The following TSEN2 variants were observed in gnomAD, a reference collection of about 807,000 sequenced individuals.
TSEN2 encodes tRNA-splicing endonuclease subunit Sen2.
Under a neutral mutation model 59.2 loss-of-function variants are expected in TSEN2, and 54 were observed. The observed-to-expected ratio is 0.91, with a 90% CI of 0.73 to 1.14. The LOEUF is 1.14. TSEN2 is among the 50% of genes most tolerant of loss of function. TSEN2 has a pLI of 0.00. For missense variants in TSEN2, 636 were observed against 576.2 expected, an observed-to-expected ratio of 1.10 and a Z score of -1.06; for synonymous variants, 195 against 198.2, an observed-to-expected ratio of 0.98 and a Z score of 0.14.
chr3:12,518,936 T>TG (rs1193948320), intron 7 of TSEN2, 123 bp from the exon 8 acceptor site: 14 of 953,550 alleles, frequency 1.5e-5, no homozygotes, highest in Non-Finnish European at 2.3e-5. Context: ...ATTGCTCTGC[T>TG]GGGGGAACTG....
chr3:12,535,530 T>C (rs188546769), downstream of TSEN2, among the ~76,000 whole-genome samples: 2 of 152,286 alleles, frequency 1.3e-5, no homozygotes, highest in African/African-American at 4.8e-5. Context: ...AAATGTTCTT[T>C]CTAACGTTGT....
At chr3:12,506,291 T>G (rs1331149391) in intron 6 of TSEN2, among the ~76,000 whole-genome samples, 3 of 152,128 alleles carry the variant, frequency 2.0e-5, no homozygotes, top group Admixed American at 2.0e-4. Flanking sequence ...ATGCAGTAGC[T>G]ACATTCTTGA....
At chr3:12,502,429 G>A (rs932184429) in intron 4 of TSEN2, among the ~76,000 whole-genome samples, 4 of 152,000 alleles carry the variant, frequency 2.6e-5, no homozygotes, top group African/African-American at 7.2e-5. Context: ...CTAGCTACTC[G>A]GGAGGCTGAG....
Position 12,501,372 on chromosome 3 carries a change from G to A in TSEN2, c.309-1890G>A, listed in dbSNP as rs145638816. Among the ~76,000 whole-genome samples the A allele has an allele frequency of 3.9e-5, 6 of 152,278 alleles. No homozygotes were observed. The East Asian group carries it at 7.7e-4, about 20-fold the overall frequency. On this transcript the variant is annotated intron_variant, in intron 4 of 11. Coordinates refer to ENST00000284995, the MANE Select transcript of TSEN2 (RefSeq NM_025265.4). ...TGTGCCATACCAAAGTCACGGTGCC[G>A]TACTGACTCTCAGGTATTAGGGTAG...
chr3:12,522,454 A>G (rs991148047), intron 8 of TSEN2, among the ~76,000 whole-genome samples: 1 of 152,244 alleles, frequency 6.6e-6, no homozygotes, highest in African/African-American at 2.4e-5. Context: ...CAGTGTTAAA[A>G]GTGTCTTCAC....
At chr3:12,500,337 T>G (rs916057815) in intron 4 of TSEN2, among the ~76,000 whole-genome samples, 1 of 152,212 alleles carries the variant, frequency 6.6e-6, no homozygotes, top group Non-Finnish European at 1.5e-5. Flanking sequence ...TTGGAGGCTT[T>G]CTTCTACATG....
At chr3:12,536,095 C>T (rs574917637), downstream of TSEN2, among the ~76,000 whole-genome samples, 18 of 152,182 alleles carry the variant, frequency 1.2e-4, no homozygotes, top group African/African-American at 4.1e-4. Context: ...AAGTGCAAAG[C>T]CTATTTTATG....
At chr3:12,489,302 G>GT (rs11406703) in intron 1 of TSEN2, among the ~76,000 whole-genome samples, 9,830 of 152,224 alleles carry the variant, frequency 0.065, 693 homozygotes, top group African/African-American at 0.17. Context: ...AGTGTGTATT[G>GT]TAAGATCCTC....
At chr3:12,514,014 C>T (rs888674325) in intron 6 of TSEN2, among the ~76,000 whole-genome samples, 1 of 152,244 alleles carries the variant, frequency 6.6e-6, no homozygotes, top group African/African-American at 2.4e-5. Context: ...CCAACATGTG[C>T]TAGACCCCCT....
chr3:12,503,148 A>G (rs1370813861), intron 4 of TSEN2, 114 bp from the exon 5 acceptor site: 51 of 1,127,882 alleles, frequency 4.5e-5, no homozygotes, highest in Middle Eastern at 2.7e-4. Flanking sequence ...GCACCATTCA[A>G]TAATACTGCT....
At chr3:12,486,256 G>A (rs2052603540) in intron 1 of TSEN2, among the ~76,000 whole-genome samples, 1 of 152,214 alleles carries the variant, frequency 6.6e-6, no homozygotes, top group Admixed American at 6.5e-5. Context: ...ACAGCATGCT[G>A]TTCTGCCGCG....
At chr3:12,498,912 A>G (rs2054016687) in intron 4 of TSEN2, among the ~76,000 whole-genome samples, 1 of 152,176 alleles carries the variant, frequency 6.6e-6, no homozygotes, top group African/African-American at 2.4e-5. Context: ...TTCAACTTAA[A>G]TACTTGTCAT....
chr3:12,521,784 G>T (rs1268936659), intron 8 of TSEN2, among the ~76,000 whole-genome samples: 1 of 152,148 alleles, frequency 6.6e-6, no homozygotes, highest in Admixed American at 6.5e-5. Flanking sequence ...GGCTGAGGCG[G>T]GCTGATCATG....
chr3:12,480,527 T>C (rs1470266518), upstream of TSEN2, among the ~76,000 whole-genome samples: 10 of 135,784 alleles, frequency 7.4e-5, no homozygotes, highest in Admixed American at 3.7e-4. Flanking sequence ...TTTGTTTCTT[T>C]GTTTTTTTTT....
intron 6 of TSEN2, 66 bp downstream of exon 6, chr3:12,505,297 C>T: frequency 1.0e-6 from 1 of 960,092 alleles, no homozygotes; most frequent in East Asian, 2.4e-5. Context: ...TATATGTGAA[C>T]CTACCTCACA....
intron 3 of TSEN2, among the ~76,000 whole-genome samples, chr3:12,495,983 T>C (rs895756727): frequency 6.6e-6 from 1 of 152,194 alleles, no homozygotes; most frequent in African/African-American, 2.4e-5. Flanking sequence ...CTCATCAGGC[T>C]GGTCTTCAAA....
rs375256930 is a variant in TSEN2, at chr3:12,490,737, GC to G, written c.189+751del. ...TCCCATCACCACAGAGTTCCCTTGT[GC>G]CCATCACACTTAATCCCTGCTCCCA... On this transcript the variant is annotated intron_variant, in intron 2 of 11. Coordinates refer to ENST00000284995, the MANE Select transcript of TSEN2 (RefSeq NM_025265.4). Among the ~76,000 whole-genome samples the G allele has an allele frequency of 9.4e-4, 143 of 152,228 alleles. 4 individuals are homozygous for G. The East Asian group carries it at 0.015, about 16-fold the overall frequency.
intron 8 of TSEN2, 122 bp downstream of exon 8, chr3:12,519,319 A>G: frequency 2.1e-6 from 3 of 1,405,122 alleles, no homozygotes; most frequent in South Asian, 2.3e-5. Context: ...TTGGGTTTAG[A>G]TAAGATTATT....
chr3:12,528,918 A>AT lies in TSEN2; in HGVS notation c.1131dup (p.Ala378CysfsTer11). 1 of 1,613,962 alleles carries AT rather than the reference A, an allele frequency of 6.2e-7. No individual in the cohort carries two copies. Among genetic ancestry groups the AT allele is most frequent in the Non-Finnish European group, 8.5e-7 (1 of 1,180,002 alleles). ...TATCGGAAAGGCCCTCCATTTTACC[A>AT]TGCAAGGTTCGGAGTGATTTTTAAA... On this transcript the variant is annotated frameshift_variant, in exon 9 of 12. Transcript: ENST00000284995. LOFTEE classifies it high-confidence loss of function.
Sources: allele counts gnomAD v4.1 joint callset (sites outside exome capture counted in the v4.1 genomes callset), GRCh38; gene constraint gnomAD v4.1.1; transcripts MANE v1.5; gene names NCBI Gene and HGNC (gene_info 2026-07-23, HGNC 2026-07-21).